Variants in PIWIL2 observed in about 807,000 individuals in gnomAD.
PIWIL2 encodes piwi like RNA-mediated gene silencing 2.
In PIWIL2, 81 loss-of-function variants were observed where a neutral mutation model predicts 116.5. The ratio of observed to expected loss-of-function variants is 0.70; its 90% CI spans 0.58 to 0.84. PIWIL2 has a LOEUF of 0.84. Ranked by LOEUF, PIWIL2 falls within the 40% of genes least tolerant of loss-of-function variation. PIWIL2 has a pLI of 0.00. For missense variants in PIWIL2, 1,272 were observed against 1,212.3 expected, an observed-to-expected ratio of 1.05 and a Z score of -0.73; for synonymous variants, 489 against 429.5, an observed-to-expected ratio of 1.14 and a Z score of -1.71.
At chr8:22,322,591 G>A (rs950214908) in intron 20 of PIWIL2, among the ~76,000 whole-genome samples, 5 of 132,706 alleles carry the variant, frequency 3.8e-5, no homozygotes, top group African/African-American at 8.2e-5. Context: ...GTCCCGTCCC[G>A]TCCTGTCCCG....
In PIWIL2 at chr8:22,315,129, G is replaced by A; in HGVS notation, c.2192G>A (p.Gly731Glu). The A allele has an allele frequency of 8.8e-6, 14 of 1,583,360 alleles. No individual in the cohort carries two copies. The highest frequency in any genetic ancestry group is 1.2e-5 in the Non-Finnish European group (14 of 1,151,968). ...INCKLGGELW[G>E]VDIPLKQLMV... Reference sequence around the variant, plus strand: ...TGTAAATTGGGTGGTGAGCTCTGGGGAGTGGATATTCCTCTGGTGAGTGAT... The same window carrying A: ...TGTAAATTGGGTGGTGAGCTCTGGGAAGTGGATATTCCTCTGGTGAGTGAT... Residue 731 changes from glycine to glutamate, a missense_variant, in exon 18 of 23, where the codon GGA (glycine) becomes GAA (glutamate). By Grantham distance (98) the Gly-to-Glu change is moderately conservative. Transcript: ENST00000356766.
At chr8:22,348,990 TAAAG>T (rs1039125463) in intron 20 of PIWIL2, among the ~76,000 whole-genome samples, 1 of 152,104 alleles carries the variant, frequency 6.6e-6, no homozygotes, top group African/African-American at 2.4e-5. Flanking sequence ...TGGCAAATGT[TAAAG>T]AAGGAGGTGA....
chr8:22,331,942 G>A (rs1157296602), intron 20 of PIWIL2, among the ~76,000 whole-genome samples: 3 of 152,042 alleles, frequency 2.0e-5, no homozygotes, highest in Non-Finnish European at 4.4e-5. Flanking sequence ...TGAATGTTGC[G>A]GAGGGCATAA....
At chr8:22,319,734 C>T (rs1003118656) in intron 20 of PIWIL2, among the ~76,000 whole-genome samples, 2 of 152,188 alleles carry the variant, frequency 1.3e-5, no homozygotes, top group Non-Finnish European at 1.5e-5. Context: ...TCCTTGCATG[C>T]TGGCTGGATT....
At chr8:22,297,922 C>T (rs1397902968) in intron 10 of PIWIL2, among the ~76,000 whole-genome samples, 1 of 152,054 alleles carries the variant, frequency 6.6e-6, no homozygotes, top group East Asian at 1.9e-4. Flanking sequence ...ACAAAAATGC[C>T]TTATATGTAT....
At chr8:22,330,862 A>G (rs1369578860) in intron 20 of PIWIL2, among the ~76,000 whole-genome samples, 1 of 151,972 alleles carries the variant, frequency 6.6e-6, no homozygotes, top group Non-Finnish European at 1.5e-5. Context: ...GGCAAGCATC[A>G]TAATTCTTTG....
At chr8:22,283,781 C>T (rs1386806927) in intron 5 of PIWIL2, among the ~76,000 whole-genome samples, 3 of 152,188 alleles carry the variant, frequency 2.0e-5, no homozygotes, top group South Asian at 2.1e-4. Context: ...AGTGGACTCA[C>T]GGCCTTTCGT....
At chr8:22,328,348 T>C (rs970534227) in intron 20 of PIWIL2, among the ~76,000 whole-genome samples, 2 of 152,236 alleles carry the variant, frequency 1.3e-5, no homozygotes, top group African/African-American at 4.8e-5. Context: ...GTAATAAGTT[T>C]TGAAATTGGA....
chr8:22,354,203 C>T, intron 21 of PIWIL2, 68 bp from the exon 22 acceptor site: 1 of 1,040,600 alleles, frequency 9.6e-7, no homozygotes, highest in Non-Finnish European at 1.5e-6. Context: ...AGAACGATCT[C>T]CAGGATCTTT....
chr8:22,279,699 T>C, intron 2 of PIWIL2, 115 bp downstream of exon 2: 1 of 962,100 alleles, frequency 1.0e-6, no homozygotes, highest in African/African-American at 1.6e-5. Flanking sequence ...ACGCCTGTAA[T>C]CCCAGCACTT....
chr8:22,356,693 T>C lies in PIWIL2; in HGVS notation c.*1188T>C, dbSNP rs1832497008. ...CCCTTTCTCTTGCAAAATAACCGCT[T>C]CCTGGCTGTTGGCTCACTTTGCTGG... is the stretch of plus-strand genomic sequence containing the variant. On this transcript the variant is annotated 3_prime_UTR_variant, in exon 23 of 23. Transcript: ENST00000356766. 1 of 152,174 alleles carries C rather than the reference T, an allele frequency of 6.6e-6. No homozygotes were observed. Among genetic ancestry groups the C allele is most frequent in the Non-Finnish European group, 1.5e-5 (1 of 68,018 alleles). The allele number at this position is 152,174 out of a possible 1,614,324, so 9.4% of individuals were successfully genotyped here.
intron 20 of PIWIL2, among the ~76,000 whole-genome samples, chr8:22,346,762 A>G (rs1241488179): frequency 2.0e-5 from 3 of 152,302 alleles, no homozygotes; most frequent in African/African-American, 4.8e-5. Context: ...AGAAATAACA[A>G]TAAGCCAGGC....
intron 10 of PIWIL2, among the ~76,000 whole-genome samples, chr8:22,302,802 G>T (rs1172476704): frequency 6.6e-6 from 1 of 152,082 alleles, no homozygotes; most frequent in East Asian, 1.9e-4. Context: ...AGATTTCTTG[G>T]CTCTCTTCTA....
In PIWIL2 at chr8:22,354,295, T is replaced by G. The variant is rs942160809; in HGVS notation, c.2682T>G (p.His894Gln). Reference sequence around the variant, plus strand: ...GGGTGGATTTCTATCTTCTTGCCCATCATGTACGGCAGGGCTGTGGCATTC... The same window carrying G: ...GGGTGGATTTCTATCTTCTTGCCCAGCATGTACGGCAGGGCTGTGGCATTC... ...CEWVDFYLLAHHVRQGCGIPT... is the reference protein window; with the variant it reads ...CEWVDFYLLAQHVRQGCGIPT... Residue 894 changes from histidine to glutamine, a missense_variant, in exon 22 of 23, where the codon CAT (histidine) becomes CAG (glutamine). Coordinates refer to ENST00000356766, the MANE Select transcript of PIWIL2 (RefSeq NM_018068.5). 2.5e-6 allele frequency: 4 copies of G among 1,612,508 alleles called. No homozygotes were observed. In the African/African-American group the frequency reaches 5.3e-5, roughly 22 times the overall value.
intron 20 of PIWIL2, among the ~76,000 whole-genome samples, chr8:22,337,916 A>G (rs1832017554): frequency 6.6e-6 from 1 of 152,010 alleles, no homozygotes; most frequent in Non-Finnish European, 1.5e-5. Context: ...CAACATGGCA[A>G]AACCCCGTCT....
chr8:22,327,986 C>T (rs112379042), intron 20 of PIWIL2, among the ~76,000 whole-genome samples: 1,579 of 151,934 alleles, frequency 0.01, 16 homozygotes, highest in Non-Finnish European at 0.013. Flanking sequence ...ATCTTTTGTT[C>T]CTTATGGTTT....
At chr8:22,328,184 G>A (rs1000569071) in intron 20 of PIWIL2, among the ~76,000 whole-genome samples, 5 of 152,058 alleles carry the variant, frequency 3.3e-5, no homozygotes, top group Non-Finnish European at 5.9e-5. Flanking sequence ...AGCACCATTC[G>A]TTGAGAGAAT....
At chr8:22,277,059 T>C (rs147919895) in intron 1 of PIWIL2, among the ~76,000 whole-genome samples, 2,732 of 151,716 alleles carry the variant, frequency 0.018, 98 homozygotes, top group African/African-American at 0.062. Flanking sequence ...CAGAATCTTG[T>C]GCTGTCACCC....
chr8:22,333,973 GT>G (rs777729511), intron 20 of PIWIL2, among the ~76,000 whole-genome samples: 102 of 141,750 alleles, frequency 7.2e-4, no homozygotes, highest in Middle Eastern at 3.6e-3. Flanking sequence ...GTTTTTTTGT[GT>G]TTTTTTTTTT....
Sources: allele counts gnomAD v4.1 joint callset (sites outside exome capture counted in the v4.1 genomes callset), GRCh38; gene constraint gnomAD v4.1.1; transcripts MANE v1.5; gene names NCBI Gene and HGNC (gene_info 2026-07-23, HGNC 2026-07-21).